ZZEF1: variants seen among roughly 807,000 people sequenced by gnomAD.
ZZEF1 encodes the protein zinc finger ZZ-type and EF-hand domain containing 1, also known as zinc finger ZZ-type and EF-hand domain-containing protein 1.
Under a neutral mutation model 342.8 loss-of-function variants are expected in ZZEF1, and 157 were observed. The observed-to-expected ratio is 0.46, with a 90% CI of 0.40 to 0.52. The LOEUF is 0.52. Among genes scored for constraint, ZZEF1 ranks in the 20% least tolerant of loss-of-function variants. The pLI is 0.00. For synonymous variants in ZZEF1, 1,505 were observed against 1,429.1 expected, an observed-to-expected ratio of 1.05 and a Z score of -1.20; for missense variants, 3,480 against 3,725.6, an observed-to-expected ratio of 0.93 and a Z score of 1.72.
intron 21 of ZZEF1, among the ~76,000 whole-genome samples, 156 bp from the exon 22 acceptor site, chr17:4,075,585 T>C (rs557151961): frequency 1.1e-4 from 16 of 152,160 alleles, no homozygotes; most frequent in African/African-American, 3.9e-4. Context: ...GACATTCCCA[T>C]CTTCACACAG....
chr17:4,056,400 G>A, intron 32 of ZZEF1, 55 bp from the exon 33 acceptor site: 11 of 1,511,472 alleles, frequency 7.3e-6, no homozygotes, highest in African/African-American at 1.4e-5. Context: ...ACCAAGGAAA[G>A]TACTGGTTAG....
intron 8 of ZZEF1, among the ~76,000 whole-genome samples, 161 bp downstream of exon 8, chr17:4,104,472 G>A (rs565558724): frequency 2.0e-5 from 3 of 152,266 alleles, no homozygotes; most frequent in Admixed American, 6.5e-5. Context: ...GCCAATCCTA[G>A]TAAGGTCTGA....
At chr17:4,141,559 A>C (rs925668268) in intron 1 of ZZEF1, among the ~76,000 whole-genome samples, 2 of 152,214 alleles carry the variant, frequency 1.3e-5, no homozygotes, top group African/African-American at 4.8e-5. Context: ...GGAGGGAGAG[A>C]GAGCATCAGG....
chr17:4,048,023 A>C (rs1376582454), intron 37 of ZZEF1, among the ~76,000 whole-genome samples: 1 of 152,224 alleles, frequency 6.6e-6, no homozygotes, highest in African/African-American at 2.4e-5. Context: ...CCATTCTGAC[A>C]TAAATAAAAG....
At chr17:4,044,974 C>T (rs544771501) in intron 37 of ZZEF1, among the ~76,000 whole-genome samples, 55 of 151,856 alleles carry the variant, frequency 3.6e-4, no homozygotes, top group Middle Eastern at 3.4e-3. Flanking sequence ...GCCAACATGG[C>T]GAAACCCCAT....
At position 4,094,232 on chromosome 17, in the gene ZZEF1, C is replaced by T. The variant is rs137988409; in HGVS notation, c.1913+1599G>A. 5.8e-3 allele frequency among the ~76,000 whole-genome samples: 888 copies of T among 152,256 alleles called. 11 individuals carry two copies. The highest frequency in any genetic ancestry group is 0.02 in the African/African-American group (847 of 41,554). On this transcript the variant is annotated intron_variant, in intron 11 of 54. Transcript: ENST00000381638. Reference sequence around the variant, plus strand: ...AGACAGTTCACTGCAGCCTCAACCTCCGGGGCTCAAGGGATCCTCCCGCCT... The same window carrying T: ...AGACAGTTCACTGCAGCCTCAACCTTCGGGGCTCAAGGGATCCTCCCGCCT...
intron 37 of ZZEF1, among the ~76,000 whole-genome samples, chr17:4,048,623 G>A (rs2056975861): frequency 6.6e-6 from 1 of 152,130 alleles, no homozygotes; most frequent in South Asian, 2.1e-4. Flanking sequence ...GCGTCTACCC[G>A]GTAAACAGTA....
Position 4,081,417 on chromosome 17 carries a change from G to C in ZZEF1, c.2788C>G (p.Leu930Val). The change falls in exon 18 of 55, where the codon CTG becomes GTG. Residue 930 changes from leucine to valine, a missense_variant. Physicochemically the swap from Leu to Val is conservative, Grantham distance 32 (BLOSUM62 1). Coordinates refer to ENST00000381638, the MANE Select transcript of ZZEF1 (RefSeq NM_015113.4). ...DLAKMNISEV[L>V]AVMDTLVSVA... ...GAGACGAGAGTGTCCATGACCGCCA[G>C]GACTTCACTGATGTTCATCTTGGCC... 1 of 1,613,986 alleles carries C rather than the reference G, an allele frequency of 6.2e-7. No homozygotes were observed. Among genetic ancestry groups the C allele is most frequent in the Non-Finnish European group, 8.5e-7 (1 of 1,180,016 alleles).
intron 30 of ZZEF1, among the ~76,000 whole-genome samples, chr17:4,061,274 T>C (rs948496403): frequency 3.3e-5 from 5 of 152,212 alleles, no homozygotes; most frequent in Non-Finnish European, 5.9e-5. Flanking sequence ...CATTCTTCTC[T>C]TGACTTCTGG....
intron 39 of ZZEF1, among the ~76,000 whole-genome samples, chr17:4,036,021 A>T (rs2056653284): frequency 6.8e-6 from 1 of 148,018 alleles, no homozygotes; most frequent in South Asian, 2.1e-4. Flanking sequence ...AATCGCTTGA[A>T]CCGGGGAGGC....
In ZZEF1 at chr17:4,008,742, C is replaced by T. The variant is rs1018470047; in HGVS notation, c.8805+141G>A. The stretch of plus-strand genomic sequence containing the variant: ...CTCTCTGAGCACCAGGAGGAAGTGA[C>T]TGAACTGGAACAAGCTCTGTGTAAG... On this transcript the variant is annotated intron_variant, in intron 54 of 54. Transcript: ENST00000381638. This position sits in a 1 kb window ranked among gnomAD's most constrained non-coding sequence, Gnocchi z 4.2. 9 of 1,426,118 alleles carry T rather than the reference C, an allele frequency of 6.3e-6. No homozygotes were observed. In the Admixed American group the frequency reaches 2.4e-4, roughly 38 times the overall value. 88.3% of individuals were successfully genotyped at this position (1,426,118 alleles called of 1,614,324 possible).
In ZZEF1 at chr17:4,006,217, CAA is replaced by C. The variant is rs2055796967; in HGVS notation, c.*671_*672del. The C allele has an allele frequency of 6.5e-6, 1 of 154,540 alleles. No homozygotes were observed. The highest frequency in any genetic ancestry group is 6.4e-5 in the Admixed American group (1 of 15,732). The allele number at this position is 154,540 out of a possible 1,614,324, so 9.6% of individuals were successfully genotyped here. A position where few individuals can be genotyped will look rare whatever the true frequency, so the allele number is the denominator to read the frequency against. On this transcript the variant is annotated 3_prime_UTR_variant, in exon 55 of 55. Transcript: ENST00000381638. ...TGGAAACTGAAATATGTCAAAACAA[CAA>C]CTGAGGAACTGCGGCTGTGCTGCCT...
At chr17:4,048,329 T>G (rs1389855684) in intron 37 of ZZEF1, among the ~76,000 whole-genome samples, 2 of 152,232 alleles carry the variant, frequency 1.3e-5, no homozygotes, top group Admixed American at 6.5e-5. Context: ...ATGTTTCTGC[T>G]GGCCAGTTTT....
Position 4,017,687 on chromosome 17 carries a change from G to C in ZZEF1, c.7685C>G (p.Pro2562Arg). Residue 2562 changes from proline to arginine, a missense_variant, in exon 48 of 55, where the codon CCT (proline) becomes CGT (arginine). Transcript: ENST00000381638. The surrounding 1 kb of genome is among the most constrained non-coding windows in gnomAD (Gnocchi z 5.1). ...GCTGGAGATCAGCTTCTGGGTCACAGGGTTCGATTCAGCAGTGGCTTGGTC... is the reference window on the plus strand; with the variant it reads ...GCTGGAGATCAGCTTCTGGGTCACACGGTTCGATTCAGCAGTGGCTTGGTC... Reference protein sequence around the residue: ...RCDQATAESNPVTQKLISSTE... With the variant: ...RCDQATAESNRVTQKLISSTE... The C allele has an allele frequency of 1.2e-6, 2 of 1,613,744 alleles. No homozygotes were observed. Among genetic ancestry groups the C allele is most frequent in the Non-Finnish European group, 1.7e-6 (2 of 1,180,016 alleles).
chr17:4,081,382 A>G lies in ZZEF1; in HGVS notation c.2823T>C (p.Ala941=). 6.2e-7 allele frequency: 1 copy of G among 1,613,148 alleles called. No individual in the cohort carries two copies. Among genetic ancestry groups the G allele is most frequent in the Non-Finnish European group, 8.5e-7 (1 of 1,179,812 alleles). Residue 941 remains alanine, a synonymous_variant, in exon 18 of 55, where the codon GCT becomes GCC. Coordinates refer to ENST00000381638, the MANE Select transcript of ZZEF1 (RefSeq NM_015113.4). The part of the protein sequence containing the change: ...AVMDTLVSVA[A]RECELLMLSG... ...GGAGGCAGCCACTGGATACCTCTCG[A>G]GCAGCAACAGAGACGAGAGTGTCCA... is the stretch of plus-strand genomic sequence containing the variant.
chr17:4,103,999 A>C (rs539614366), intron 8 of ZZEF1, among the ~76,000 whole-genome samples: 1 of 152,326 alleles, frequency 6.6e-6, no homozygotes, highest in South Asian at 2.1e-4. Flanking sequence ...TGTGGAGTCC[A>C]GGAAGGCTGC....
intron 13 of ZZEF1, among the ~76,000 whole-genome samples, chr17:4,087,870 C>A (rs2057867674): frequency 6.6e-6 from 1 of 151,430 alleles, no homozygotes; most frequent in Admixed American, 6.6e-5. Context: ...ATAAGCCAGT[C>A]TTTCCTGGAT....
chr17:4,073,481 G>C (rs535585047), intron 24 of ZZEF1, among the ~76,000 whole-genome samples: 102 of 152,264 alleles, frequency 6.7e-4, no homozygotes, highest in Non-Finnish European at 1.4e-3. Flanking sequence ...ACCCAGACTG[G>C]AGTGCAGCAG....
intron 52 of ZZEF1, among the ~76,000 whole-genome samples, chr17:4,011,544 GT>G (rs894700318): frequency 8.8e-5 from 13 of 147,946 alleles, no homozygotes; most frequent in Non-Finnish European, 1.3e-4. Context: ...GAACTGAGGG[GT>G]TTTTTTTTTG....
Sources: gnomAD v4.1 joint callset for allele counts (sites outside exome capture counted in the v4.1 genomes callset) on GRCh38, gnomAD v4.1.1 for gene constraint, Gnocchi (gnomAD v3.1) non-coding constraint, MANE v1.5 for transcripts, NCBI Gene and HGNC (gene_info 2026-07-23, HGNC 2026-07-21) for gene names.